CRADD: variants seen among roughly 807,000 people sequenced by gnomAD.
CRADD encodes death domain-containing protein CRADD.
Under a neutral mutation model 15.5 loss-of-function variants are expected in CRADD, and 9 were observed. The observed-to-expected ratio is 0.58, with a 90% CI of 0.35 to 1.01. The LOEUF (loss-of-function observed/expected upper bound fraction) is 1.01. Ranked by LOEUF, CRADD falls within the 50% of genes least tolerant of loss-of-function variation. The pLI is 0.02. For missense variants in CRADD, 227 were observed against 250.3 expected (o/e 0.91, Z 0.63); for synonymous variants, 118 against 107.6 (o/e 1.10, Z -0.60).
chr12:93,730,999 T>A (rs1176528107), intron 2 of CRADD, among the ~76,000 whole-genome samples: 1 of 152,142 alleles, frequency 6.6e-6, no homozygotes, highest in Non-Finnish European at 1.5e-5. Context: ...ATTATAGGTG[T>A]GAGCCACTGC....
chr12:93,894,281 G>C, exon 3 of CRADD: 2 of 537,576 alleles, frequency 3.7e-6, no homozygotes, highest in Non-Finnish European at 6.7e-6. Flanking sequence ...TGGGCGGGGG[G>C]CAGGGGATTA....
chr12:93,887,247 A>G (rs1357069228), intron 2 of CRADD, among the ~76,000 whole-genome samples: 1 of 152,240 alleles, frequency 6.6e-6, no homozygotes, highest in East Asian at 1.9e-4. Context: ...GGAGATCAAA[A>G]CGATGATTAA....
chr12:93,738,508 C>T (rs1000044670), intron 2 of CRADD: 2 of 701,122 alleles, frequency 2.9e-6, no homozygotes, highest in South Asian at 3.0e-5. Flanking sequence ...TGCAGCAACA[C>T]TGACCAAAGC....
chr12:93,751,193 A>G (rs1160433599), intron 2 of CRADD, among the ~76,000 whole-genome samples: 1 of 152,228 alleles, frequency 6.6e-6, no homozygotes, highest in African/African-American at 2.4e-5. Flanking sequence ...TTACTACTAG[A>G]CCAATAGCAA....
chr12:93,858,499 C>A (rs114445791), intron 2 of CRADD, among the ~76,000 whole-genome samples: 305 of 152,306 alleles, frequency 2.0e-3, no homozygotes, highest in African/African-American at 6.4e-3. Flanking sequence ...GTCAGTCCTC[C>A]CTTTTGTTGA....
At chr12:93,864,473 CAT>C (rs748503560) in intron 2 of CRADD, among the ~76,000 whole-genome samples, 11 of 152,196 alleles carry the variant, frequency 7.2e-5, no homozygotes, top group Non-Finnish European at 1.3e-4. Context: ...GCAAAGGTCA[CAT>C]GTTTAATGTC....
intron 2 of CRADD, among the ~76,000 whole-genome samples, chr12:93,845,259 G>A (rs1030955535): frequency 3.9e-5 from 6 of 152,336 alleles, no homozygotes; most frequent in Admixed American, 2.0e-4. Flanking sequence ...GAGGTAGAAC[G>A]ACACCTGGTT....
At position 93,850,350 on chromosome 12, in the gene CRADD, T is replaced by C; in HGVS notation, c.*79T>C. ...CCTGACTTTCACTCAGAGCAGGTGGTTTTTTGTGTAGGTTTGTTTTTTATT... is the reference window on the plus strand; with the variant it reads ...CCTGACTTTCACTCAGAGCAGGTGGCTTTTTGTGTAGGTTTGTTTTTTATT... On this transcript the variant is annotated 3_prime_UTR_variant, in exon 3 of 3. Transcript: ENST00000332896. The surrounding 1 kb of genome is among the most constrained non-coding windows in gnomAD (Gnocchi z 4.0). The C allele has an allele frequency of 6.7e-7, 1 of 1,488,482 alleles. No individual in the cohort carries two copies. The highest frequency in any genetic ancestry group is 8.9e-7 in the Non-Finnish European group (1 of 1,124,804). 92.2% of individuals were successfully genotyped at this position (1,488,482 alleles called of 1,614,324 possible). A position where few individuals can be genotyped will look rare whatever the true frequency, so the allele number is the denominator to read the frequency against.
downstream of CRADD, among the ~76,000 whole-genome samples, chr12:93,852,844 TGTGTG>T (rs904701578): frequency 2.7e-5 from 4 of 150,696 alleles, no homozygotes; most frequent in Non-Finnish European, 4.5e-5. Flanking sequence ...GGAGTGTGTG[TGTGTG>T]TGTGTGTGTG....
At chr12:93,682,534 G>A (rs1955337013) in intron 2 of CRADD, among the ~76,000 whole-genome samples, 1 of 152,168 alleles carries the variant, frequency 6.6e-6, no homozygotes, top group Admixed American at 6.5e-5. Context: ...TCTTCCCAGA[G>A]ATGCTTGGTT....
chr12:93,854,366 G>A (rs941089378), downstream of CRADD, among the ~76,000 whole-genome samples: 3 of 152,194 alleles, frequency 2.0e-5, no homozygotes, highest in African/African-American at 7.2e-5. Context: ...TCTTTACTTG[G>A]TAGTAGTGGC....
chr12:93,848,474 T>C (rs1480633927), intron 2 of CRADD, among the ~76,000 whole-genome samples: 1 of 152,228 alleles, frequency 6.6e-6, no homozygotes, highest in African/African-American at 2.4e-5. Context: ...CCTGAATCCC[T>C]GTGATGCTGA....
At chr12:93,680,841 G>T (rs1955270973) in intron 2 of CRADD, among the ~76,000 whole-genome samples, 1 of 152,088 alleles carries the variant, frequency 6.6e-6, no homozygotes. Flanking sequence ...GTCATTTTGG[G>T]TGATACAGAT....
At chr12:93,702,003 T>C (rs1219914581) in intron 2 of CRADD, among the ~76,000 whole-genome samples, 1 of 152,122 alleles carries the variant, frequency 6.6e-6, no homozygotes, top group African/African-American at 2.4e-5. Flanking sequence ...TGATGATCTT[T>C]CTCCATGTTT....
chr12:93,727,660 G>A (rs984101996), intron 2 of CRADD, among the ~76,000 whole-genome samples: 3 of 152,190 alleles, frequency 2.0e-5, no homozygotes, highest in Admixed American at 2.0e-4. Flanking sequence ...GCAGAGGCAT[G>A]TAAGGGAAAT....
intron 2 of CRADD, among the ~76,000 whole-genome samples, chr12:93,844,205 A>G (rs760318997): frequency 1.3e-4 from 20 of 152,214 alleles, no homozygotes; most frequent in Non-Finnish European, 2.4e-4. Flanking sequence ...AGTGGCATGC[A>G]TGCTAGCTTT....
intron 2 of CRADD, among the ~76,000 whole-genome samples, chr12:93,753,896 GC>G: frequency 6.6e-6 from 1 of 152,310 alleles, no homozygotes; most frequent in East Asian, 1.9e-4. Context: ...GGAGGGCGTG[GC>G]CCTCTTCTCA....
rs534755469 is a variant in CRADD at position 93,846,996 on chromosome 12, C to T, written c.299-2974C>T. Among the ~76,000 whole-genome samples the T allele has an allele frequency of 5.9e-5, 9 of 152,208 alleles. No individual in the cohort carries two copies. The East Asian group carries it at 7.7e-4, about 13-fold the overall frequency. Reference sequence around the variant, plus strand: ...TAGGCACCTGTAGTCCCAGCTGCTCCGGAGACTGAGGCAGAAGAATGGCAT... The same window carrying T: ...TAGGCACCTGTAGTCCCAGCTGCTCTGGAGACTGAGGCAGAAGAATGGCAT... On this transcript the variant is annotated intron_variant, in intron 2 of 2. Transcript: ENST00000332896.
At chr12:93,890,680 C>T (rs780017876) in intron 2 of CRADD, among the ~76,000 whole-genome samples, 3 of 152,156 alleles carry the variant, frequency 2.0e-5, no homozygotes, top group Non-Finnish European at 2.9e-5. Flanking sequence ...TTCAATCTAC[C>T]TATAGCCTGC....
Sources: gnomAD v4.1 joint callset for allele counts (sites outside exome capture counted in the v4.1 genomes callset) on GRCh38, gnomAD v4.1.1 for gene constraint, Gnocchi (gnomAD v3.1) non-coding constraint, MANE v1.5 for transcripts, NCBI Gene and HGNC (gene_info 2026-07-23, HGNC 2026-07-21) for gene names.